The following P3H1 variants were observed in gnomAD, a reference collection of about 807,000 sequenced individuals.
The protein encoded by P3H1 is growth suppressor 1.
In P3H1, 69 loss-of-function variants were observed where a neutral mutation model predicts 84.0. That is an observed-to-expected ratio of 0.82 (90% CI 0.68 to 1.00). The LOEUF is 1.00. Ranked by LOEUF, P3H1 falls within the 50% of genes least tolerant of loss-of-function variation. The pLI is 0.00. For synonymous variants in P3H1, 366 were observed against 388.8 expected (o/e 0.94, Z 0.69); for missense variants, 878 against 962.8 (o/e 0.91, Z 1.17).
intron 1 of P3H1, among the ~76,000 whole-genome samples, chr1:42,764,305 C>T (rs1319168309): frequency 1.3e-5 from 2 of 151,638 alleles, no homozygotes; most frequent in African/African-American, 4.8e-5. Flanking sequence ...GCCTGTAATC[C>T]CAGCTACTCG....
At chr1:42,748,350 G>A (rs1439105513) in intron 11 of P3H1, 33 bp from the exon 12 acceptor site, 1 of 1,508,220 alleles carries the variant, frequency 6.6e-7, no homozygotes, top group African/African-American at 1.4e-5. Context: ...TAGCAAGGGA[G>A]CACCTCGGGA....
At chr1:42,757,509 A>C (rs1652464152) in intron 5 of P3H1, among the ~76,000 whole-genome samples, 1 of 152,210 alleles carries the variant, frequency 6.6e-6, no homozygotes, top group East Asian at 1.9e-4. Flanking sequence ...GAGGGGAAAG[A>C]ATATGCTCAC....
At chr1:42,764,278 C>T (rs151124709) in intron 1 of P3H1, among the ~76,000 whole-genome samples, 253 of 149,598 alleles carry the variant, frequency 1.7e-3, no homozygotes, top group Middle Eastern at 3.6e-3. Context: ...AAAAATTAGC[C>T]GGATGTGATG....
chr1:42,762,638 C>T (rs1652782615), intron 1 of P3H1, among the ~76,000 whole-genome samples, 163 bp from the exon 2 acceptor site: 1 of 152,210 alleles, frequency 6.6e-6, no homozygotes. Context: ...ATTGCAGGAA[C>T]TACCCACGAC....
At chr1:42,749,426 C>T (rs576326032) in intron 11 of P3H1, among the ~76,000 whole-genome samples, 103 of 152,332 alleles carry the variant, frequency 6.8e-4, no homozygotes, top group Middle Eastern at 3.4e-3. Flanking sequence ...TGAACCTCTC[C>T]CCTTCTTGGA....
At chr1:42,755,326 T>G in intron 6 of P3H1, 109 bp from the exon 7 acceptor site, 1 of 1,143,524 alleles carries the variant, frequency 8.7e-7, no homozygotes, top group Non-Finnish European at 1.3e-6. Context: ...ATCACCCTCT[T>G]CCTTTCAGGA....
At chr1:42,763,380 C>T (rs1320729730) in intron 1 of P3H1, among the ~76,000 whole-genome samples, 5 of 151,628 alleles carry the variant, frequency 3.3e-5, no homozygotes. Context: ...TCTAAGAAAT[C>T]TGAGGGGGTG....
chr1:42,746,985 ACT>A, intron 14 of P3H1, 133 bp from the exon 15 acceptor site: 7 of 1,614,014 alleles, frequency 4.3e-6, no homozygotes, highest in Non-Finnish European at 5.9e-6. Context: ...AGCAGGTCCT[ACT>A]CTCTGGAAAA....
intron 1 of P3H1, among the ~76,000 whole-genome samples, chr1:42,765,846 G>A (rs1055632011): frequency 6.6e-6 from 1 of 152,088 alleles, no homozygotes; most frequent in African/African-American, 2.4e-5. Flanking sequence ...AATAGTGCCT[G>A]GAAGTATGTG....
Position 42,759,222 on chromosome 1 carries a change from C to A in P3H1, c.787G>T (p.Asp263Tyr). The A allele has an allele frequency of 6.2e-7, 1 of 1,614,146 alleles. No individual in the cohort carries two copies. The highest frequency in any genetic ancestry group is 1.1e-5 in the South Asian group (1 of 91,064). ...GCACCTGTGATGGCCTGGAAGAGGT[C>A]AGCGTTGTACTCAAGGTAGTTGTAG... ...DGYNYLEYNA[D>Y]LFQAITDHYI... Residue 263 changes from aspartate (D) to tyrosine (Y), a missense_variant, in exon 3 of 15, where the codon GAC (aspartate) becomes TAC (tyrosine). Coordinates refer to ENST00000296388, the MANE Select transcript of P3H1 (RefSeq NM_022356.4).
intron 2 of P3H1, chr1:42,761,435 T>C (rs1440522675): frequency 6.6e-6 from 1 of 152,220 alleles, no homozygotes; most frequent in Non-Finnish European, 1.5e-5. Context: ...TAACATTTAT[T>C]GTAGTGAAAA....
intron 12 of P3H1, 25 bp from the exon 13 acceptor site, chr1:42,747,823 C>T: frequency 2.5e-6 from 4 of 1,609,328 alleles, no homozygotes; most frequent in Non-Finnish European, 3.4e-6. Flanking sequence ...GACATCTCAT[C>T]ATGGCCCTTC....
At position 42,746,640 on chromosome 1, in the gene P3H1, G is replaced by T; in HGVS notation, c.*57C>A. 1 of 1,423,146 alleles carries T rather than the reference G, an allele frequency of 7.0e-7. No homozygotes were observed. The highest frequency in any genetic ancestry group is 9.7e-7 in the Non-Finnish European group (1 of 1,031,044). 88.2% of individuals were successfully genotyped at this position (1,423,146 alleles called of 1,614,324 possible). A position where few individuals can be genotyped will look rare whatever the true frequency, so the allele number is the denominator to read the frequency against. On this transcript the variant is annotated 3_prime_UTR_variant, in exon 15 of 15. Coordinates refer to ENST00000296388, the MANE Select transcript of P3H1 (RefSeq NM_022356.4). ...GCCCCGAGGGGCTGGCCAGCTCAGA[G>T]TGCAGAAGAGTTCCTCTCCATGGGT...
In P3H1 at chr1:42,747,771, G is replaced by T; in HGVS notation, c.1866C>A (p.Phe622Leu). 3 of 1,614,158 alleles carry T rather than the reference G, an allele frequency of 1.9e-6. No homozygotes were observed. Among genetic ancestry groups the T allele is most frequent in the Non-Finnish European group, 2.5e-6 (3 of 1,180,028 alleles). The change falls in exon 13 of 15, where the codon TTC (phenylalanine) becomes TTA (leucine). Residue 622 changes from phenylalanine to leucine, a missense_variant. Transcript: ENST00000296388. ...YSAILYLNGDFDGGNFYFTEL... is the reference protein window; with the variant it reads ...YSAILYLNGDLDGGNFYFTEL... The stretch of plus-strand genomic sequence containing the variant: ...CAGTGAAATAAAAGTTTCCGCCATC[G>T]AAGTCCCCATTTAGGTAAAGGATGG...
Position 42,754,974 on chromosome 1 carries a change from C to A in P3H1, c.1240G>T (p.Ala414Ser), listed in dbSNP as rs1368710142. ...CCAATCTCCTGGGAGATGCGTACGG[C>A]TGTTTCCCGTTCTGACCTATGAGCA... ...QEKQKSERET[A>S]VRISQEIGNL... The change falls in exon 8 of 15, where the codon GCC (alanine) becomes TCC (serine). Residue 414 changes from alanine (A) to serine (S), a missense_variant. Ala to Ser is a moderately conservative substitution (Grantham distance 99, BLOSUM62 1). Transcript: ENST00000296388. This position sits in a 1 kb window ranked among gnomAD's most constrained non-coding sequence, Gnocchi z 4.0. The A allele has an allele frequency of 1.2e-6, 2 of 1,614,224 alleles. No homozygotes were observed. Among genetic ancestry groups the A allele is most frequent in the South Asian group, 2.2e-5 (2 of 91,090 alleles).
intron 14 of P3H1, 112 bp from the exon 15 acceptor site, chr1:42,746,964 A>G (rs1176631961): frequency 6.2e-7 from 1 of 1,614,104 alleles, no homozygotes; most frequent in Non-Finnish European, 8.5e-7. Flanking sequence ...CCCCAGGCTC[A>G]TCTCCTTCCC....
intron 2 of P3H1, among the ~76,000 whole-genome samples, chr1:42,759,795 T>C (rs1216406016): frequency 6.6e-6 from 1 of 152,002 alleles, no homozygotes; most frequent in Admixed American, 6.6e-5. Flanking sequence ...TTGGCCAGGC[T>C]GGTCTCCAAC....
chr1:42,759,851 G>T, intron 2 of P3H1: 1 of 202,566 alleles, frequency 4.9e-6, no homozygotes, highest in South Asian at 7.9e-5. Flanking sequence ...TAAAGTGCTG[G>T]GATTACAGGT....
Position 42,762,312 on chromosome 1 carries a change from GT to G in P3H1, c.618+10del, listed in dbSNP as rs760593141. ...AGAAAGAAAGAAAGAAGGGGATAAAGTTTTTTTCACCATATGGGGTTGAGTC... is the reference window on the plus strand; with the variant it reads ...AGAAAGAAAGAAAGAAGGGGATAAAGTTTTTTCACCATATGGGGTTGAGTC... On this transcript the variant is annotated intron_variant, in intron 2 of 14. Coordinates refer to ENST00000296388, the MANE Select transcript of P3H1 (RefSeq NM_022356.4). 3.1e-6 allele frequency: 5 copies of G among 1,610,386 alleles called. No individual in the cohort carries two copies. In the South Asian group the frequency reaches 3.3e-5, roughly 11 times the overall value.
Sources: allele counts gnomAD v4.1 joint callset (sites outside exome capture counted in the v4.1 genomes callset), GRCh38; gene constraint gnomAD v4.1.1; non-coding constraint Gnocchi (gnomAD v3.1); transcripts MANE v1.5; gene names NCBI Gene and HGNC (gene_info 2026-07-23, HGNC 2026-07-21).